GRM1: variants seen among roughly 807,000 people sequenced by gnomAD.
The protein encoded by GRM1 is glutamate metabotropic receptor 1, also known as metabotropic glutamate receptor 1.
A neutral mutation model predicts 90.9 loss-of-function variants in GRM1; 33 were observed. The ratio of observed to expected loss-of-function variants is 0.36; its 90% confidence interval spans 0.28 to 0.49. GRM1 has a LOEUF of 0.49. Ranked by LOEUF, GRM1 falls within the 20% of genes least tolerant of loss-of-function variation. The pLI, the probability that GRM1 is intolerant of heterozygous loss-of-function variation, is 0.99. For synonymous variants in GRM1, 700 were observed against 613.2 expected (o/e 1.14, Z -2.09); for missense variants, 1,190 against 1,534.3 (o/e 0.78, Z 3.75).
chr6:146,152,301 C>G (rs1777368494), intron 1 of GRM1, among the ~76,000 whole-genome samples: 1 of 150,382 alleles, frequency 6.6e-6, no homozygotes, highest in South Asian at 2.1e-4. Flanking sequence ...ATGCCAATGC[C>G]TTGCTTGGCA....
intron 1 of GRM1, among the ~76,000 whole-genome samples, chr6:146,146,784 C>T (rs2128886303): frequency 6.6e-6 from 1 of 152,304 alleles, no homozygotes; most frequent in African/African-American, 2.4e-5. Flanking sequence ...TAAAGAGACT[C>T]TCACAAGATG....
chr6:146,116,989 T>C (rs1312943731), intron 1 of GRM1, among the ~76,000 whole-genome samples: 7 of 151,882 alleles, frequency 4.6e-5, no homozygotes, highest in Non-Finnish European at 7.4e-5. Flanking sequence ...TTTTATTTCC[T>C]TGAGTAAATC....
At chr6:146,245,004 C>G (rs1007351958) in intron 2 of GRM1, among the ~76,000 whole-genome samples, 1 of 152,104 alleles carries the variant, frequency 6.6e-6, no homozygotes, top group African/African-American at 2.4e-5. Context: ...TAGTTGCTGC[C>G]TTTATTATGA....
intron 7 of GRM1, among the ~76,000 whole-genome samples, chr6:146,415,797 G>A (rs1160760222): frequency 1.3e-5 from 2 of 152,130 alleles, no homozygotes; most frequent in Non-Finnish European, 2.9e-5. Context: ...ATACTCTTAA[G>A]TTTGCTGAGA....
chr6:146,339,077 G>A lies in GRM1; in HGVS notation c.1187-13173G>A, dbSNP rs362859. On this transcript the variant is annotated intron_variant, in intron 3 of 7. Transcript: ENST00000282753. Reference sequence around the variant, plus strand: ...ACATATGAAACATACTCCATGAACAGCTAAGTAGGCAATTTTCCAAATGGA... The same window carrying A: ...ACATATGAAACATACTCCATGAACAACTAAGTAGGCAATTTTCCAAATGGA... Among the ~76,000 whole-genome samples, 726 of 152,254 alleles carry A rather than the reference G, an allele frequency of 4.8e-3. 4 individuals carry two copies. Among genetic ancestry groups the A allele is most frequent in the African/African-American group, 0.017 (696 of 41,534 alleles).
chr6:146,039,618 A>G (rs1791022344), intron 1 of GRM1, among the ~76,000 whole-genome samples: 1 of 151,996 alleles, frequency 6.6e-6, no homozygotes, highest in Admixed American at 6.6e-5. Context: ...TCAAATTGGA[A>G]ATTAGGAGAC....
intron 6 of GRM1, among the ~76,000 whole-genome samples, chr6:146,394,435 T>C (rs1203872767): frequency 6.6e-6 from 1 of 152,126 alleles, no homozygotes; most frequent in African/African-American, 2.4e-5. Flanking sequence ...TATACAAGAA[T>C]TTTATAATGG....
chr6:146,389,382 A>C (rs1238716444), intron 6 of GRM1, among the ~76,000 whole-genome samples: 1 of 151,358 alleles, frequency 6.6e-6, no homozygotes, highest in Non-Finnish European at 1.5e-5. Flanking sequence ...ACATTAAAAA[A>C]ATTTCTATCC....
intron 2 of GRM1, among the ~76,000 whole-genome samples, chr6:146,193,862 G>A (rs1204078812): frequency 1.3e-5 from 2 of 151,824 alleles, no homozygotes; most frequent in African/African-American, 4.8e-5. Context: ...TTAGTCTTGT[G>A]CTAGTATTTC....
At chr6:146,391,814 G>T (rs1292860159) in intron 6 of GRM1, among the ~76,000 whole-genome samples, 3 of 152,018 alleles carry the variant, frequency 2.0e-5, no homozygotes, top group East Asian at 3.9e-4. Flanking sequence ...TGAAAAGCCT[G>T]GTTTCCATAT....
chr6:146,328,452 A>G (rs769467346), intron 3 of GRM1, among the ~76,000 whole-genome samples: 5 of 152,206 alleles, frequency 3.3e-5, no homozygotes, highest in Non-Finnish European at 7.3e-5. Flanking sequence ...GAAAAAGCAA[A>G]TTAACATCTC....
intron 3 of GRM1, among the ~76,000 whole-genome samples, chr6:146,329,685 C>T (rs1784518250): frequency 6.6e-6 from 1 of 152,168 alleles, no homozygotes; most frequent in Non-Finnish European, 1.5e-5. Flanking sequence ...GTTGAAAGTA[C>T]TATAAATCAA....
At chr6:146,179,892 A>G (rs1319143395) in intron 2 of GRM1, among the ~76,000 whole-genome samples, 1 of 150,944 alleles carries the variant, frequency 6.6e-6, no homozygotes, top group Non-Finnish European at 1.5e-5. Flanking sequence ...TTCTTTTCCC[A>G]GCACTTTGGG....
rs1778610761 is a variant in GRM1, at chr6:146,436,891, A to G, written c.*2095A>G. ...ATCATTTGTTCAGAATTTAACATCC[A>G]TTCCAATGTTGGAGGCTTGTATTAC... On this transcript the variant is annotated 3_prime_UTR_variant, in exon 8 of 8. Transcript: ENST00000282753. The G allele has an allele frequency of 1.3e-5, 2 of 152,604 alleles. No individual in the cohort carries two copies. Among genetic ancestry groups the G allele is most frequent in the African/African-American group, 4.8e-5 (2 of 41,446 alleles). The allele number at this position is 152,604 out of a possible 1,614,324, so 9.5% of individuals were successfully genotyped here.
intron 1 of GRM1, among the ~76,000 whole-genome samples, chr6:146,151,272 C>T (rs1263634626): frequency 2.0e-5 from 3 of 152,140 alleles, no homozygotes; most frequent in Non-Finnish European, 2.9e-5. Context: ...AGTGTACAAA[C>T]AAATATCTAC....
chr6:146,377,580 T>A (rs1776151239), intron 5 of GRM1, among the ~76,000 whole-genome samples: 1 of 152,116 alleles, frequency 6.6e-6, no homozygotes, highest in South Asian at 2.1e-4. Context: ...GTTTGGAAGA[T>A]TTGCAGCCTG....
In GRM1 at chr6:146,222,945, A is replaced by G. The variant is rs932302763; in HGVS notation, c.950+63348A>G. On this transcript the variant is annotated intron_variant, in intron 2 of 7. Coordinates refer to ENST00000282753, the MANE Select transcript of GRM1 (RefSeq NM_001278064.2). ...CAGGTAAGAGAAGTTTAGATGGGGG[A>G]GTTATATATCTTTGAATCTAGTACA... is the stretch of plus-strand genomic sequence containing the variant. Among the ~76,000 whole-genome samples, 7 of 151,768 alleles carry G rather than the reference A, an allele frequency of 4.6e-5. 1 individual carries two copies. The highest frequency in any genetic ancestry group is 1.3e-4 in the Admixed American group (2 of 15,190).
chr6:146,105,496 A>G (rs922330012), intron 1 of GRM1, among the ~76,000 whole-genome samples: 1 of 152,160 alleles, frequency 6.6e-6, no homozygotes, highest in Non-Finnish European at 1.5e-5. Flanking sequence ...GTTTTTGAAT[A>G]AACTTTGTTC....
At chr6:146,192,208 A>G (rs763161670) in intron 2 of GRM1, among the ~76,000 whole-genome samples, 5 of 152,222 alleles carry the variant, frequency 3.3e-5, no homozygotes, top group Non-Finnish European at 7.3e-5. Flanking sequence ...TGGTTATGGT[A>G]ACATTTTGAA....
Sources: allele counts gnomAD v4.1 joint callset (sites outside exome capture counted in the v4.1 genomes callset), GRCh38; gene constraint gnomAD v4.1.1; transcripts MANE v1.5; gene names NCBI Gene and HGNC (gene_info 2026-07-23, HGNC 2026-07-21).